Variants in SASH1 observed in about 807,000 individuals in gnomAD.
The protein encoded by SASH1 is SAM and SH3 domain-containing protein 1.
Under a neutral mutation model 125.2 loss-of-function variants are expected in SASH1, and 44 were observed. The ratio of observed to expected loss-of-function variants is 0.35; its 90% CI spans 0.28 to 0.45. The LOEUF is 0.45. Among genes scored for constraint, SASH1 ranks in the 20% least tolerant of loss-of-function variants. The pLI is 1.00. For synonymous variants in SASH1, 639 were observed against 649.1 expected (o/e 0.98, Z 0.24); for missense variants, 1,426 against 1,614.5 (o/e 0.88, Z 2.00).
At chr6:148,349,934 C>T (rs770463827) in intron 1 of SASH1, among the ~76,000 whole-genome samples, 1 of 151,884 alleles carries the variant, frequency 6.6e-6, no homozygotes, top group Non-Finnish European at 1.5e-5. Context: ...CAAGCTCCTC[C>T]TCCCGGGTTC....
At chr6:148,461,991 C>G (rs1216807670) in intron 4 of SASH1, among the ~76,000 whole-genome samples, 2 of 152,132 alleles carry the variant, frequency 1.3e-5, no homozygotes, top group Non-Finnish European at 2.9e-5. Flanking sequence ...CCCTGCCTCC[C>G]CCTGTACATG....
Position 148,549,619 on chromosome 6 carries a change from G to C in SASH1, c.*1061G>C, listed in dbSNP as rs1289392780. The C allele has an allele frequency of 2.5e-6, 1 of 398,834 alleles. No homozygotes were observed. The highest frequency in any genetic ancestry group is 1.3e-4 in the South Asian group (1 of 7,850). 24.7% of individuals were successfully genotyped at this position (398,834 alleles called of 1,614,324 possible). A position where few individuals can be genotyped will look rare whatever the true frequency, so the allele number is the denominator to read the frequency against. On this transcript the variant is annotated 3_prime_UTR_variant, in exon 20 of 20. Transcript: ENST00000367467. ...TTTCAGAAAGATGTCCTTAATAAGG[G>C]AAGTCATGTATAAGATGTTTTCTAA...
intron 1 of SASH1, among the ~76,000 whole-genome samples, chr6:148,379,534 C>G (rs1049023979): frequency 6.6e-5 from 10 of 152,098 alleles, no homozygotes; most frequent in Non-Finnish European, 1.0e-4. Flanking sequence ...CTGTCAATTC[C>G]TAGTTACCGA....
the SASH1 span, among the ~76,000 whole-genome samples, chr6:148,225,946 G>T: frequency 2.6e-5 from 4 of 152,194 alleles, no homozygotes; most frequent in South Asian, 8.3e-4. Context: ...AACAACAATA[G>T]TTTAGCATTT....
At chr6:148,312,872 G>A (rs1179606379) in intron 1 of SASH1, among the ~76,000 whole-genome samples, 1 of 152,116 alleles carries the variant, frequency 6.6e-6, no homozygotes, top group East Asian at 1.9e-4. Flanking sequence ...GAAGGAGGCT[G>A]TGGCTGTTGC....
At chr6:148,449,449 G>A (rs1776986613) in intron 4 of SASH1, among the ~76,000 whole-genome samples, 1 of 147,640 alleles carries the variant, frequency 6.8e-6, no homozygotes. Flanking sequence ...GTGCAATGGT[G>A]CAATCTCGGC....
intron 19 of SASH1, 49 bp downstream of exon 19, chr6:148,546,195 C>G: frequency 1.3e-6 from 2 of 1,593,646 alleles, no homozygotes; most frequent in Non-Finnish European, 1.7e-6. Context: ...TTAGTGATCA[C>G]GCTTAGTGAT....
chr6:148,362,140 G>C (rs1011019318), intron 1 of SASH1, among the ~76,000 whole-genome samples: 1 of 151,606 alleles, frequency 6.6e-6, no homozygotes, highest in Non-Finnish European at 1.5e-5. Flanking sequence ...TGTTAGCCAG[G>C]ATGGTCTCGA....
intron 6 of SASH1, among the ~76,000 whole-genome samples, chr6:148,472,518 C>T (rs549684564): frequency 1.3e-5 from 2 of 151,450 alleles, no homozygotes; most frequent in South Asian, 2.1e-4. Flanking sequence ...AGGAGGAAGC[C>T]AACAGTTTAC....
upstream of SASH1, among the ~76,000 whole-genome samples, chr6:148,271,494 C>T (rs1300994162): frequency 1.3e-5 from 2 of 152,068 alleles, no homozygotes; most frequent in East Asian, 1.9e-4. Flanking sequence ...GTGCCATGCA[C>T]ATTAACTTTT....
intron 7 of SASH1, among the ~76,000 whole-genome samples, chr6:148,477,648 C>T (rs547115257): frequency 6.6e-6 from 1 of 151,710 alleles, no homozygotes; most frequent in Non-Finnish European, 1.5e-5. Flanking sequence ...GCATCGGCGT[C>T]CCGAATAGCT....
rs1781741843 is a variant in SASH1 at position 148,351,831 on chromosome 6, A to T, written c.156+8608A>T. Among the ~76,000 whole-genome samples the T allele has an allele frequency of 2.0e-5, 3 of 150,138 alleles. No homozygotes were observed. The Admixed American group carries it at 2.0e-4, about 10-fold the overall frequency. On this transcript the variant is annotated intron_variant, in intron 1 of 19. Coordinates refer to ENST00000367467, the MANE Select transcript of SASH1 (RefSeq NM_015278.5). Reference sequence around the variant, plus strand: ...GTTTATGTGTGTGTGTGCTTTAAAAATTTAGTGTTTCAACATTAAATTATT... The same window carrying T: ...GTTTATGTGTGTGTGTGCTTTAAAATTTTAGTGTTTCAACATTAAATTATT...
chr6:148,404,125 A>G (rs554876684), intron 2 of SASH1, among the ~76,000 whole-genome samples: 4 of 152,322 alleles, frequency 2.6e-5, no homozygotes, highest in Admixed American at 6.5e-5. Flanking sequence ...TAGACTCATA[A>G]AGTGAGGCTT....
Position 148,276,723 on chromosome 6 carries a change from C to T in SASH1, n.74+4346C>T, listed in dbSNP as rs185001027. ...CAATTGTTCATTTAAATATATACAC[C>T]TGCGAGTGCACCCCTGTGCATTTTT... On this transcript the variant is annotated intron_variant and non_coding_transcript_variant, in intron 1 of 3. Transcript: ENST00000367469. Among the ~76,000 whole-genome samples, 551 of 152,210 alleles carry T rather than the reference C, an allele frequency of 3.6e-3. 2 individuals carry two copies. The highest frequency in any genetic ancestry group is 0.013 in the African/African-American group (523 of 41,530).
intron 1 of SASH1, among the ~76,000 whole-genome samples, chr6:148,362,120 G>A (rs541443791): frequency 3.6e-4 from 55 of 151,384 alleles, no homozygotes; most frequent in Non-Finnish European, 5.2e-4. Context: ...GTAGAGACGG[G>A]GTTTCTCCGT....
intron 1 of SASH1, among the ~76,000 whole-genome samples, chr6:148,280,950 TTGTTTTGTTTTGA>T (rs1451717363): frequency 6.6e-6 from 1 of 151,918 alleles, no homozygotes; most frequent in East Asian, 1.9e-4. Context: ...TTTTGTTTTG[TTGTTTTGTTTTGA>T]GACAGAGTCT....
chr6:148,362,985 G>A (rs1454552620), intron 1 of SASH1, among the ~76,000 whole-genome samples: 1 of 152,234 alleles, frequency 6.6e-6, no homozygotes, highest in Non-Finnish European at 1.5e-5. Context: ...GAGAGAGGGT[G>A]TGGAGAGAAA....
chr6:148,221,296 A>C, the SASH1 span, among the ~76,000 whole-genome samples: 1 of 152,242 alleles, frequency 6.6e-6, no homozygotes, highest in Non-Finnish European at 1.5e-5. Flanking sequence ...TTACAAGGTT[A>C]AACCTCAAAA....
rs543020673 is a variant in SASH1, at chr6:148,283,705, C to T, written n.74+11328C>T. Among the ~76,000 whole-genome samples the T allele has an allele frequency of 5.9e-5, 9 of 152,032 alleles. No homozygotes were observed. In the South Asian group the frequency reaches 1.7e-3, roughly 28 times the overall value. On this transcript the variant is annotated intron_variant and non_coding_transcript_variant, in intron 1 of 3. Coordinates refer to the SASH1 transcript ENST00000367469. ...AGGAGAATCATTTGAACCCGAGAGA[C>T]GGAGGTTGCAGGGAGCCAAGATCGC...
Sources: gnomAD v4.1 joint callset for allele counts (sites outside exome capture counted in the v4.1 genomes callset) on GRCh38, gnomAD v4.1.1 for gene constraint, MANE v1.5 for transcripts, NCBI Gene and HGNC (gene_info 2026-07-23, HGNC 2026-07-21) for gene names.